The following CPEB2 variants were observed in gnomAD, a reference collection of about 807,000 sequenced individuals.
CPEB2 encodes cytoplasmic polyadenylation element binding protein 2, also known as cytoplasmic polyadenylation element-binding protein 2.
CPEB2 carries 56 observed loss-of-function variants against 93.6 expected under a neutral mutation model. That is an observed-to-expected ratio of 0.60 (90% CI 0.48 to 0.75). The LOEUF (loss-of-function observed/expected upper bound fraction) is 0.75. Ranked by LOEUF, CPEB2 falls within the 30% of genes least tolerant of loss-of-function variation. The pLI, the probability that CPEB2 is intolerant of heterozygous loss-of-function variation, is 0.00. For synonymous variants in CPEB2, 764 were observed against 586.3 expected, an observed-to-expected ratio of 1.30 and a Z score of -4.38; for missense variants, 1,579 against 1,395.1, an observed-to-expected ratio of 1.13 and a Z score of -2.10.
At position 15,004,244 on chromosome 4, in the gene CPEB2, G is replaced by A. The variant is rs1305311712; in HGVS notation, c.1571G>A (p.Arg524Gln). Residue 524 changes from arginine to glutamine, a missense_variant, in exon 1 of 12, where the codon CGG becomes CAG. Arg to Gln is a conservative substitution (Grantham distance 43). Transcript: ENST00000538197. ...PPAAPQQPQS[R>Q]RSPVSPQLQQ... ...GCGGCGCCGCAGCAGCCGCAGAGCC[G>A]GAGGTCGCCCGTCAGCCCGCAGCTC... The A allele has an allele frequency of 1.3e-6, 2 of 1,493,090 alleles. No individual in the cohort carries two copies. Among genetic ancestry groups the A allele is most frequent in the Non-Finnish European group, 1.8e-6 (2 of 1,128,220 alleles). The allele number at this position is 1,493,090 out of a possible 1,614,324, so 92.5% of individuals were successfully genotyped here.
rs140061005 is a variant in CPEB2, at chr4:15,047,220, TTTTG to T, written c.2201-5182_2201-5179del. On this transcript the variant is annotated intron_variant, in intron 6 of 11. Transcript: ENST00000538197. ...TAGTGTAAATCCTCCAACTTTGGCT[TTTTG>T]TTTGTTTGTTTTGTACGCTCTCCTT... Among the ~76,000 whole-genome samples, 563 of 152,238 alleles carry T rather than the reference TTTTG, an allele frequency of 3.7e-3. 9 individuals carry two copies. Among genetic ancestry groups the T allele is most frequent in the East Asian group, 0.032 (166 of 5,176 alleles).
In CPEB2 at chr4:15,066,418, G is replaced by C. The variant is rs373089372; in HGVS notation, c.*38G>C. 4.9e-6 allele frequency: 7 copies of C among 1,425,798 alleles called. No homozygotes were observed. The highest frequency in any genetic ancestry group is 1.2e-5 in the South Asian group (1 of 82,650). 88.3% of individuals were successfully genotyped at this position (1,425,798 alleles called of 1,614,324 possible). A position where few individuals can be genotyped will look rare whatever the true frequency, so the allele number is the denominator to read the frequency against. Reference sequence around the variant, plus strand: ...GGCCTCTGTTTAACAAGGAAAGAAAGGGTGCATGTGGCTTACTGTGTCTGA... The same window carrying C: ...GGCCTCTGTTTAACAAGGAAAGAAACGGTGCATGTGGCTTACTGTGTCTGA... On this transcript the variant is annotated 3_prime_UTR_variant, in exon 12 of 12. Transcript: ENST00000538197.
intron 11 of CPEB2, among the ~76,000 whole-genome samples, chr4:15,065,302 A>G (rs981266611): frequency 2.6e-5 from 4 of 152,058 alleles, no homozygotes; most frequent in Non-Finnish European, 5.9e-5. Flanking sequence ...GTCCTTCAGA[A>G]CACTCAGTGT....
intron 8 of CPEB2, among the ~76,000 whole-genome samples, chr4:15,056,398 T>G (rs1489864216): frequency 6.6e-6 from 1 of 152,216 alleles, no homozygotes; most frequent in Admixed American, 6.5e-5. Flanking sequence ...ATGGTGTACT[T>G]TAAGCCTAGA....
intron 8 of CPEB2, 120 bp downstream of exon 8, chr4:15,054,337 T>C: frequency 1.4e-6 from 1 of 720,512 alleles, no homozygotes; most frequent in South Asian, 1.7e-5. Flanking sequence ...GATAATTTCA[T>C]AGACTCAGAT....
rs1722379899 is a variant in CPEB2 at position 15,003,863 on chromosome 4, CGCCGCCGACCCAGCCGCAGCAGCA to C, written c.1198_1221del (p.Thr400_Pro407del). On this transcript the variant is annotated inframe_deletion, in exon 1 of 12. Transcript: ENST00000538197. ...TCGCCGCCACCCCAGCCCCAGCAGC[CGCCGCCGACCCAGCCGCAGCAGCA>C]GCCGCCGCCACCCCAGCAGCCGCCC... 1.2e-6 allele frequency: 1 copy of C among 844,844 alleles called. No individual in the cohort carries two copies. The highest frequency in any genetic ancestry group is 3.4e-5 in the South Asian group (1 of 29,596). 52.3% of individuals were successfully genotyped at this position (844,844 alleles called of 1,614,324 possible). A position where few individuals can be genotyped will look rare whatever the true frequency, so the allele number is the denominator to read the frequency against.
At position 15,017,298 on chromosome 4, in the gene CPEB2, AAT is replaced by A. The variant is rs890442358; in HGVS notation, c.2125+25_2125+26del. On this transcript the variant is annotated intron_variant, in intron 4 of 11. Coordinates refer to ENST00000538197, the MANE Select transcript of CPEB2 (RefSeq NM_001177382.2). ...TTAAGGGTAGGTGACTTTTTAAAAAAATATATGTTTATATTATACACCAATTT... is the reference window on the plus strand; with the variant it reads ...TTAAGGGTAGGTGACTTTTTAAAAAAATATGTTTATATTATACACCAATTT... The A allele has an allele frequency of 1.5e-6, 2 of 1,343,646 alleles. No individual in the cohort carries two copies. Among genetic ancestry groups the A allele is most frequent in the African/African-American group, 2.9e-5 (2 of 68,224 alleles). The allele number at this position is 1,343,646 out of a possible 1,614,324, so 83.2% of individuals were successfully genotyped here. A position where few individuals can be genotyped will look rare whatever the true frequency, so the allele number is the denominator to read the frequency against.
At chr4:15,047,667 T>C (rs1160595725) in intron 6 of CPEB2, among the ~76,000 whole-genome samples, 1 of 152,098 alleles carries the variant, frequency 6.6e-6, no homozygotes, top group Non-Finnish European at 1.5e-5. Flanking sequence ...TGTACAATTA[T>C]GTCTATACTA....
intron 11 of CPEB2, among the ~76,000 whole-genome samples, chr4:15,063,475 A>G (rs1425130624): frequency 6.6e-6 from 1 of 151,992 alleles, no homozygotes; most frequent in Non-Finnish European, 1.5e-5. Context: ...TGTGTTTCTC[A>G]ACCTCTGCTG....
rs1360254789 is a variant in CPEB2, at chr4:15,025,899, T to G, written c.2126-7262T>G. On this transcript the variant is annotated intron_variant, in intron 4 of 11. Coordinates refer to ENST00000538197, the MANE Select transcript of CPEB2 (RefSeq NM_001177382.2). The stretch of plus-strand genomic sequence containing the variant: ...TTACAGTTCCCAGAAATTTGATGAC[T>G]TAGTTGTTTTATGATCCTGTTCTAG... Among the ~76,000 whole-genome samples the G allele has an allele frequency of 2.0e-5, 3 of 152,158 alleles. No individual in the cohort carries two copies. The East Asian group carries it at 5.8e-4, about 29-fold the overall frequency.
chr4:15,028,410 T>C (rs1173598798), intron 4 of CPEB2, among the ~76,000 whole-genome samples: 2 of 152,052 alleles, frequency 1.3e-5, no homozygotes, highest in Non-Finnish European at 2.9e-5. Flanking sequence ...GTGTTTTTGA[T>C]TCAGTCCATA....
Position 15,004,172 on chromosome 4 carries a change from C to T in CPEB2, c.1499C>T (p.Pro500Leu), listed in dbSNP as rs1281187483. The change falls in exon 1 of 12, where the codon CCG (proline) becomes CTG (leucine). Residue 500 changes from proline to leucine, a missense_variant. By Grantham distance (98) the Pro-to-Leu change is moderately conservative. Around this residue, in one of 2 missense-constraint regions of CPEB2, gnomAD observed 1,411 missense variants for 1,056.0 expected, o/e 1.34. Transcript: ENST00000538197. ...TTCTCGGCTACCGCTGTGCCCCCTC[C>T]GCCGCCGCCCGCCATGAATATACCT... The part of the protein sequence containing the change: ...GPFSATAVPP[P>L]PPPAMNIPQQ... 53 of 1,444,086 alleles carry T rather than the reference C, an allele frequency of 3.7e-5. No individual in the cohort carries two copies. Among genetic ancestry groups the T allele is most frequent in the Non-Finnish European group, 4.7e-5 (52 of 1,108,608 alleles). The allele number at this position is 1,444,086 out of a possible 1,614,324, so 89.5% of individuals were successfully genotyped here.
Position 15,004,115 on chromosome 4 carries a change from G to C in CPEB2, c.1442G>C (p.Ser481Thr). Residue 481 changes from serine (S) to threonine (T), a missense_variant, in exon 1 of 12, where the codon AGC (serine) becomes ACC (threonine). Around this residue, in one of 2 missense-constraint regions of CPEB2, gnomAD observed 1,411 missense variants for 1,056.0 expected, o/e 1.34. Transcript: ENST00000538197. ...TGCACTGGGCTCAGCGTTCCGACGA[G>C]CGGCGGCGGCGGCGGCGGCTTCGGC... is the stretch of plus-strand genomic sequence containing the variant. Reference protein sequence around the residue: ...HGCTGLSVPTSGGGGGGFGGP... With the variant: ...HGCTGLSVPTTGGGGGGFGGP... 1 of 1,364,142 alleles carries C rather than the reference G, an allele frequency of 7.3e-7. No homozygotes were observed. Among genetic ancestry groups the C allele is most frequent in the Non-Finnish European group, 9.8e-7 (1 of 1,017,582 alleles). The allele number at this position is 1,364,142 out of a possible 1,614,324, so 84.5% of individuals were successfully genotyped here.
intron 3 of CPEB2, among the ~76,000 whole-genome samples, chr4:15,012,873 C>G (rs949670186): frequency 6.6e-6 from 1 of 151,980 alleles, no homozygotes; most frequent in East Asian, 1.9e-4. Flanking sequence ...ACCTCATTTT[C>G]AAGAGGAGAA....
In CPEB2 at chr4:15,004,214, C is replaced by T. The variant is rs191240869; in HGVS notation, c.1541C>T (p.Pro514Leu). The T allele has an allele frequency of 2.2e-3, 3,285 of 1,493,076 alleles. 67 individuals carry two copies. The African/African-American group carries it at 0.043, about 19-fold the overall frequency. 92.5% of individuals were successfully genotyped at this position (1,493,076 alleles called of 1,614,324 possible). The part of the protein sequence containing the change: ...AMNIPQQQPP[P>L]PAAPQQPQSR... Reference sequence around the variant, plus strand: ...AATATACCTCAACAGCAGCCCCCGCCGCCCGCGGCGCCGCAGCAGCCGCAG... The same window carrying T: ...AATATACCTCAACAGCAGCCCCCGCTGCCCGCGGCGCCGCAGCAGCCGCAG... The change falls in exon 1 of 12, where the codon CCG becomes CTG. Residue 514 changes from proline (P) to leucine (L), a missense_variant. Pro to Leu is a moderately conservative substitution (Grantham distance 98, BLOSUM62 -3). Around this residue, in one of 2 missense-constraint regions of CPEB2, gnomAD observed 1,411 missense variants for 1,056.0 expected, o/e 1.34. Coordinates refer to ENST00000538197, the MANE Select transcript of CPEB2 (RefSeq NM_001177382.2).
intron 6 of CPEB2, among the ~76,000 whole-genome samples, chr4:15,048,185 A>C (rs561815776): frequency 6.6e-6 from 1 of 151,996 alleles, no homozygotes; most frequent in African/African-American, 2.4e-5. Context: ...ATATTGGTAT[A>C]TAGTTTCCTT....
chr4:15,049,308 T>G (rs1053728048), intron 6 of CPEB2, among the ~76,000 whole-genome samples: 1 of 152,076 alleles, frequency 6.6e-6, no homozygotes, highest in African/African-American at 2.4e-5. Flanking sequence ...TTTCTCAACT[T>G]AAATGTCTGT....
chr4:15,007,289 G>T lies in CPEB2; in HGVS notation c.1663-16G>T. 1 of 1,421,068 alleles carries T rather than the reference G, an allele frequency of 7.0e-7. No individual in the cohort carries two copies. Among genetic ancestry groups the T allele is most frequent in the Non-Finnish European group, 9.3e-7 (1 of 1,079,238 alleles). The allele number at this position is 1,421,068 out of a possible 1,614,324, so 88.0% of individuals were successfully genotyped here. A position where few individuals can be genotyped will look rare whatever the true frequency, so the allele number is the denominator to read the frequency against. ...TTCTTTAAATGCCGCAATTTAAATA[G>T]CTATGTTTTCCCTAGCCTCTTCTGA... On this transcript the variant is annotated splice_polypyrimidine_tract_variant and intron_variant, in intron 1 of 11. Transcript: ENST00000538197.
At chr4:15,027,001 T>C (rs1227194023) in intron 4 of CPEB2, among the ~76,000 whole-genome samples, 1 of 152,182 alleles carries the variant, frequency 6.6e-6, no homozygotes, top group Non-Finnish European at 1.5e-5. Context: ...TAAAACCCTT[T>C]TAACAGTGAA....
Sources: allele counts gnomAD v4.1 joint callset (sites outside exome capture counted in the v4.1 genomes callset), GRCh38; gene constraint gnomAD v4.1.1; regional missense constraint gnomAD v4.1.1; transcripts MANE v1.5; gene names NCBI Gene and HGNC (gene_info 2026-07-23, HGNC 2026-07-21).